ADGRB3: variants seen among roughly 807,000 people sequenced by gnomAD.
The protein encoded by ADGRB3 is brain-specific angiogenesis inhibitor 3.
A neutral mutation model predicts 193.4 loss-of-function variants in ADGRB3; 37 were observed. The ratio of observed to expected loss-of-function variants is 0.19; its 90% CI spans 0.15 to 0.25. The LOEUF is 0.25. Ranked by LOEUF, ADGRB3 falls within the 10% of genes least tolerant of loss-of-function variation. The probability of loss-of-function intolerance (pLI) is 1.00; values close to 1 mark genes in which losing one functional copy is unlikely to be tolerated. For missense variants in ADGRB3, 1,637 were observed against 1,852.9 expected (o/e 0.88, Z 2.14); for synonymous variants, 690 against 644.2 (o/e 1.07, Z -1.08).
At chr6:69,125,730 A>G (rs1334463698) in intron 17 of ADGRB3, among the ~76,000 whole-genome samples, 1 of 152,362 alleles carries the variant, frequency 6.6e-6, no homozygotes, top group East Asian at 1.9e-4. Context: ...AGATCTGACT[A>G]ACCCAATCCA....
At chr6:69,007,200 T>C (rs754507548) in intron 11 of ADGRB3, among the ~76,000 whole-genome samples, 34 of 152,172 alleles carry the variant, frequency 2.2e-4, no homozygotes, top group Admixed American at 1.2e-3. Flanking sequence ...ATGCAATCTG[T>C]CGTCATGTCA....
At chr6:69,236,478 C>T (rs1766269862) in intron 19 of ADGRB3, among the ~76,000 whole-genome samples, 1 of 151,884 alleles carries the variant, frequency 6.6e-6, no homozygotes, top group Non-Finnish European at 1.5e-5. Flanking sequence ...GACATTGTCT[C>T]AGTAATGCAA....
At chr6:69,336,818 G>GT (rs1768860561) in intron 24 of ADGRB3, among the ~76,000 whole-genome samples, 1 of 151,964 alleles carries the variant, frequency 6.6e-6, no homozygotes, top group Non-Finnish European at 1.5e-5. Flanking sequence ...TAGACTATGA[G>GT]TTTTTCATAT....
intron 17 of ADGRB3, 106 bp downstream of exon 17, chr6:69,076,144 T>G: frequency 2.1e-6 from 2 of 943,978 alleles, no homozygotes; most frequent in Non-Finnish European, 3.2e-6. Context: ...AGTGGGATGT[T>G]GCATTCAGAG....
At chr6:69,293,539 C>G (rs1350620271) in intron 20 of ADGRB3, among the ~76,000 whole-genome samples, 2 of 152,182 alleles carry the variant, frequency 1.3e-5, no homozygotes, top group African/African-American at 4.8e-5. Flanking sequence ...TTAGAATTTT[C>G]AGACTCAGGT....
Position 69,148,994 on chromosome 6 carries a change from G to C in ADGRB3, c.2480+72956G>C, listed in dbSNP as rs1774586055. Among the ~76,000 whole-genome samples, 3 of 151,792 alleles carry C rather than the reference G, an allele frequency of 2.0e-5. No homozygotes were observed. In the South Asian group the frequency reaches 6.3e-4, roughly 32 times the overall value. Reference sequence around the variant, plus strand: ...CCTTGACTTTTGGGAGTTTGATTATGGTCTCAAGATTGCCTAGGTATCTTG... The same window carrying C: ...CCTTGACTTTTGGGAGTTTGATTATCGTCTCAAGATTGCCTAGGTATCTTG... On this transcript the variant is annotated intron_variant, in intron 17 of 31. Transcript: ENST00000370598.
At chr6:69,331,345 G>T (rs1409937765) in intron 23 of ADGRB3, among the ~76,000 whole-genome samples, 2 of 151,680 alleles carry the variant, frequency 1.3e-5, no homozygotes, top group African/African-American at 2.4e-5. Context: ...AGTTTTTCTT[G>T]CCCAATAAAT....
chr6:69,161,087 T>C (rs1386473064), intron 17 of ADGRB3, among the ~76,000 whole-genome samples: 1 of 152,148 alleles, frequency 6.6e-6, no homozygotes, highest in Non-Finnish European at 1.5e-5. Flanking sequence ...ATAGTAATAC[T>C]ACCTATCTCA....
chr6:68,848,733 G>A (rs974422806), intron 3 of ADGRB3, among the ~76,000 whole-genome samples: 1 of 151,924 alleles, frequency 6.6e-6, no homozygotes, highest in South Asian at 2.1e-4. Flanking sequence ...AACAAGTAAC[G>A]TAAGCATTGT....
At chr6:69,031,521 C>CTTTA (rs1562129350) in intron 13 of ADGRB3, among the ~76,000 whole-genome samples, 9 of 47,626 alleles carry the variant, frequency 1.9e-4, no homozygotes, top group African/African-American at 4.0e-4. Context: ...TGAGTTGTCT[C>CTTTA]TTTCTTTCTT....
intron 3 of ADGRB3, among the ~76,000 whole-genome samples, chr6:68,722,491 A>C (rs112193813): frequency 1.3e-5 from 2 of 151,732 alleles, no homozygotes; most frequent in African/African-American, 4.8e-5. Context: ...TAATTTAAAA[A>C]TTGATCTTGA....
intron 4 of ADGRB3, among the ~76,000 whole-genome samples, chr6:68,935,526 T>C (rs1341343203): frequency 2.0e-5 from 3 of 152,176 alleles, no homozygotes; most frequent in African/African-American, 7.2e-5. Flanking sequence ...TTCAGAAACA[T>C]TTCACCTACA....
chr6:69,293,470 C>T (rs1038092385), intron 20 of ADGRB3, among the ~76,000 whole-genome samples: 3 of 152,140 alleles, frequency 2.0e-5, no homozygotes, highest in Non-Finnish European at 2.9e-5. Flanking sequence ...CACAACGTGG[C>T]GGGTGTTGAC....
chr6:68,801,801 G>A (rs753251361), intron 3 of ADGRB3, among the ~76,000 whole-genome samples: 27 of 152,170 alleles, frequency 1.8e-4, no homozygotes, highest in Non-Finnish European at 2.9e-4. Context: ...CCTATGAAAT[G>A]CATAAATGAA....
At chr6:69,063,944 C>A (rs546195192) in intron 16 of ADGRB3, among the ~76,000 whole-genome samples, 1 of 151,564 alleles carries the variant, frequency 6.6e-6, no homozygotes, top group Admixed American at 6.6e-5. Flanking sequence ...ATATTTTTAT[C>A]CTTGCAAAGT....
chr6:69,009,940 T>C (rs554176169), intron 11 of ADGRB3, among the ~76,000 whole-genome samples: 1 of 152,096 alleles, frequency 6.6e-6, no homozygotes, highest in Non-Finnish European at 1.5e-5. Flanking sequence ...AAAAATTGTA[T>C]ATAATCCATG....
chr6:68,730,811 A>G (rs893061345), intron 3 of ADGRB3, among the ~76,000 whole-genome samples: 1 of 151,674 alleles, frequency 6.6e-6, no homozygotes, highest in African/African-American at 2.4e-5. Flanking sequence ...TCATTCATGC[A>G]TGAGTATCCC....
chr6:69,218,005 C>T (rs1765804453), intron 17 of ADGRB3, among the ~76,000 whole-genome samples: 1 of 143,338 alleles, frequency 7.0e-6, no homozygotes, highest in South Asian at 2.2e-4. Context: ...TTGAGATATA[C>T]ATATTTTTGC....
At chr6:69,060,250 C>CTCTCTCTCT (rs370197043) in intron 15 of ADGRB3, among the ~76,000 whole-genome samples, 6 of 138,406 alleles carry the variant, frequency 4.3e-5, no homozygotes, top group Non-Finnish European at 8.1e-5. Flanking sequence ...CTCTCTCTCT[C>CTCTCTCTCT]CTCCTCTGTC....
Sources: gnomAD v4.1 joint callset for allele counts (sites outside exome capture counted in the v4.1 genomes callset) on GRCh38, gnomAD v4.1.1 for gene constraint, MANE v1.5 for transcripts, NCBI Gene and HGNC (gene_info 2026-07-23, HGNC 2026-07-21) for gene names.